Variants in VCAN observed in about 807,000 individuals in gnomAD.
The protein encoded by VCAN is versican, also known as versican core protein.
VCAN carries 44 observed loss-of-function variants against 245.5 expected under a neutral mutation model. The observed-to-expected ratio is 0.18, with a 90% CI of 0.14 to 0.23. The LOEUF (loss-of-function observed/expected upper bound fraction) is 0.23, where lower values mean the gene tolerates loss of function less well. Ranked by LOEUF, VCAN falls within the 10% of genes least tolerant of loss-of-function variation. The probability of loss-of-function intolerance (pLI) is 1.00; values close to 1 mark genes in which losing one functional copy is unlikely to be tolerated. For missense variants in VCAN, 3,793 were observed against 4,057.9 expected (o/e 0.93, Z 1.77); for synonymous variants, 1,413 against 1,437.0 (o/e 0.98, Z 0.38).
Position 83,542,078 on chromosome 5 carries a change from G to A in VCAN, c.9075G>A (p.Thr3025=), listed in dbSNP as rs113014073. 0.035 allele frequency: 56,653 copies of A among 1,613,704 alleles called. 1,217 individuals are homozygous for A. The highest frequency in any genetic ancestry group is 0.04 in the Middle Eastern group (241 of 6,058). The change falls in exon 8 of 15, where the codon ACG becomes ACA. Residue 3025 remains threonine, a synonymous_variant. Transcript: ENST00000265077. ...CTTTAATCAGAGGGCAGGATTCCACGATAGCAGCATCAGAACAGCAAGTGG... is the reference window on the plus strand; with the variant it reads ...CTTTAATCAGAGGGCAGGATTCCACAATAGCAGCATCAGAACAGCAAGTGG... The part of the protein sequence containing the change: ...QAALIRGQDS[T]IAASEQQVAA...
At chr5:83,565,290 G>T (rs1013750319) in intron 12 of VCAN, among the ~76,000 whole-genome samples, 7 of 152,026 alleles carry the variant, frequency 4.6e-5, no homozygotes, top group African/African-American at 1.7e-4. Context: ...TGTATTTATG[G>T]CAGGAAATTA....
Position 83,522,125 on chromosome 5 carries a change from C to T in VCAN, c.3819C>T (p.Thr1273=), listed in dbSNP as rs753640002. 2.2e-5 allele frequency: 36 copies of T among 1,613,756 alleles called. 1 individual carries two copies. In the South Asian group the frequency reaches 3.1e-4, roughly 14 times the overall value. ...ATATTGTAGCCAAGGAAACAGAAAC[C>T]GATATTGATAGAGAGTATTTCACGA... ...LEDIVAKETE[T]DIDREYFTTS... Residue 1273 remains threonine (T), a synonymous_variant, in exon 7 of 15, where the codon ACC becomes ACT. Transcript: ENST00000265077.
intron 12 of VCAN, among the ~76,000 whole-genome samples, chr5:83,569,157 G>A (rs537565977): frequency 8.6e-5 from 13 of 152,018 alleles, no homozygotes; most frequent in African/African-American, 2.7e-4. Flanking sequence ...CATATAAAAT[G>A]TCATTCACAT....
At chr5:83,514,428 ATGTGTG>A (rs57400723) in intron 6 of VCAN, among the ~76,000 whole-genome samples, 3 of 145,118 alleles carry the variant, frequency 2.1e-5, no homozygotes, top group South Asian at 4.4e-4. Flanking sequence ...TTTAGTGTAT[ATGTGTG>A]TGTGTGTGTG....
At chr5:83,534,935 A>G (rs1746651315) in intron 7 of VCAN, among the ~76,000 whole-genome samples, 3 of 152,026 alleles carry the variant, frequency 2.0e-5, no homozygotes, top group Non-Finnish European at 4.4e-5. Context: ...ATGGTGTCCT[A>G]TTTTAAAACA....
In VCAN at chr5:83,581,068, G is replaced by A. The variant is rs573603443; in HGVS notation, c.*634G>A. 9 of 156,240 alleles carry A rather than the reference G, an allele frequency of 5.8e-5. No individual in the cohort carries two copies. Among genetic ancestry groups the A allele is most frequent in the Admixed American group, 4.4e-4 (7 of 16,056 alleles). 9.7% of individuals were successfully genotyped at this position (156,240 alleles called of 1,614,324 possible). ...TAAAGGCTGCGAATGGGATCCTGAT[G>A]GAACTAAGGACTCCAATGTCGAACT... is the stretch of plus-strand genomic sequence containing the variant. On this transcript the variant is annotated 3_prime_UTR_variant, in exon 15 of 15. Coordinates refer to ENST00000265077, the MANE Select transcript of VCAN (RefSeq NM_004385.5).
chr5:83,572,342 T>A, intron 12 of VCAN, 74 bp from the exon 13 acceptor site: 1 of 1,547,594 alleles, frequency 6.5e-7, no homozygotes, highest in Non-Finnish European at 8.9e-7. Flanking sequence ...AATTAGATTG[T>A]GATATAATAC....
At chr5:83,567,790 A>G (rs1301075106) in intron 12 of VCAN, among the ~76,000 whole-genome samples, 1 of 152,202 alleles carries the variant, frequency 6.6e-6, no homozygotes, top group African/African-American at 2.4e-5. Context: ...AATGACCAGC[A>G]TTTATTTTTC....
chr5:83,538,833 G>A lies in VCAN; in HGVS notation c.5830G>A (p.Val1944Met), dbSNP rs1366654866. The change falls in exon 8 of 15, where the codon GTG (valine) becomes ATG (methionine). Residue 1944 changes from valine to methionine, a missense_variant. Val to Met is a conservative substitution (Grantham distance 21). This residue lies in a region of VCAN where 3,182 missense variants were observed against 3,250.3 expected (regional missense o/e 0.98). Coordinates refer to ENST00000265077, the MANE Select transcript of VCAN (RefSeq NM_004385.5). ...FSGDFREYST[V>M]SHPIAKEETV... The stretch of plus-strand genomic sequence containing the variant: ...TGGTGACTTTAGAGAATACTCAACA[G>A]TGTCTCATCCCATAGCAAAAGAAGA... The A allele has an allele frequency of 1.2e-6, 2 of 1,613,964 alleles. No individual in the cohort carries two copies. The highest frequency in any genetic ancestry group is 8.5e-7 in the Non-Finnish European group (1 of 1,179,962).
chr5:83,513,992 G>A (rs1375586903), intron 6 of VCAN, among the ~76,000 whole-genome samples: 1 of 151,808 alleles, frequency 6.6e-6, no homozygotes, highest in African/African-American at 2.4e-5. Flanking sequence ...TCTCTCTGTG[G>A]GTAAAATTTA....
At chr5:83,512,594 G>C (rs1310255153) in intron 6 of VCAN, 198 bp downstream of exon 6, 5 of 650,992 alleles carry the variant, frequency 7.7e-6, no homozygotes, top group Non-Finnish European at 1.3e-5. Flanking sequence ...TTGGCAAATG[G>C]ATTTTTAGAG....
At chr5:83,553,701 T>C (rs1747558716) in intron 11 of VCAN, among the ~76,000 whole-genome samples, 179 bp downstream of exon 11, 1 of 152,232 alleles carries the variant, frequency 6.6e-6, no homozygotes, top group African/African-American at 2.4e-5. Context: ...TGGGGAAACA[T>C]TCAACTATAA....
chr5:83,473,402 A>G (rs1171783109), intron 1 of VCAN, among the ~76,000 whole-genome samples: 1 of 151,858 alleles, frequency 6.6e-6, no homozygotes, highest in Non-Finnish European at 1.5e-5. Flanking sequence ...GCGCCTGGAG[A>G]GTTGTCCTGC....
rs747560101 is a variant in VCAN, at chr5:83,490,173, T to A, written c.146T>A (p.Met49Lys). The change falls in exon 3 of 15, where the codon ATG becomes AAG. Residue 49 changes from methionine to lysine, a missense_variant. Coordinates refer to ENST00000265077, the MANE Select transcript of VCAN (RefSeq NM_004385.5). The part of the protein sequence containing the change: ...KVSLPCHFST[M>K]PTLPPSYNTS... ...AGCCTACCTTGTCATTTTTCAACGATGCCTACTTTGCCACCCAGTTACAAC... is the reference window on the plus strand; with the variant it reads ...AGCCTACCTTGTCATTTTTCAACGAAGCCTACTTTGCCACCCAGTTACAAC... 5 of 1,614,192 alleles carry A rather than the reference T, an allele frequency of 3.1e-6. No homozygotes were observed. In the South Asian group the frequency reaches 5.5e-5, roughly 18 times the overall value.
chr5:83,572,446 GA>G lies in VCAN; in HGVS notation c.9767del (p.Asp3256AlafsTer12). ...QYENWRPNQPDSFFSAGEDCV... is the reference protein window; with the variant it reads ...QYENWRPNQPXSFFSAGEDCV... ...CGAGAATTGGAGACCCAACCAGCCA[GA>G]CAGCTTCTTTTCTGCTGGAGAAGAC... On this transcript the variant is annotated frameshift_variant, in exon 13 of 15. Coordinates refer to ENST00000265077, the MANE Select transcript of VCAN (RefSeq NM_004385.5). LOFTEE classifies it high-confidence loss of function. 6.2e-7 allele frequency: 1 copy of G among 1,613,948 alleles called. No individual in the cohort carries two copies. Among genetic ancestry groups the G allele is most frequent in the Non-Finnish European group, 8.5e-7 (1 of 1,179,874 alleles).
At chr5:83,493,213 C>T (rs1745038585) in intron 3 of VCAN, among the ~76,000 whole-genome samples, 1 of 152,090 alleles carries the variant, frequency 6.6e-6, no homozygotes, top group Non-Finnish European at 1.5e-5. Context: ...GAATCTACTC[C>T]CTTTAGGTAT....
intron 5 of VCAN, among the ~76,000 whole-genome samples, chr5:83,506,972 T>C (rs1745500157): frequency 6.6e-6 from 1 of 152,150 alleles, no homozygotes; most frequent in South Asian, 2.1e-4. Flanking sequence ...ATTATTCAAG[T>C]ACCTTCCCGT....
chr5:83,536,217 A>G (rs1746700353), intron 7 of VCAN: 1 of 152,182 alleles, frequency 6.6e-6, no homozygotes, highest in Non-Finnish European at 1.5e-5. Context: ...AAGAACTAAA[A>G]TCAGCCTAAT....
In VCAN at chr5:83,521,896, C is replaced by A; in HGVS notation, c.3590C>A (p.Ser1197Ter). 1 of 1,614,100 alleles carries A rather than the reference C, an allele frequency of 6.2e-7. No homozygotes were observed. Among genetic ancestry groups the A allele is most frequent in the Non-Finnish European group, 8.5e-7 (1 of 1,180,010 alleles). ...KPKATELIEF[S>*]TIKVTVPSDI... Reference sequence around the variant, plus strand: ...AAAGCCACAGAACTCATAGAATTTTCAACAATCAAAGTCACAGTTCCAAGT... The same window carrying A: ...AAAGCCACAGAACTCATAGAATTTTAAACAATCAAAGTCACAGTTCCAAGT... The change falls in exon 7 of 15, where the codon TCA becomes TAA. Residue 1197 changes from serine to a stop codon, truncating the protein, a stop_gained. Coordinates refer to ENST00000265077, the MANE Select transcript of VCAN (RefSeq NM_004385.5). LOFTEE classifies it high-confidence loss of function.
Sources: allele counts gnomAD v4.1 joint callset (sites outside exome capture counted in the v4.1 genomes callset), GRCh38; gene constraint gnomAD v4.1.1; regional missense constraint gnomAD v4.1.1; transcripts MANE v1.5; gene names NCBI Gene and HGNC (gene_info 2026-07-23, HGNC 2026-07-21).